Variants in GLTPD2 observed in about 807,000 individuals in gnomAD.
GLTPD2 encodes glycolipid transfer protein domain containing 2.
In GLTPD2, 12 loss-of-function variants were observed where a neutral mutation model predicts 12.9. The observed-to-expected ratio is 0.93, with a 90% CI of 0.59 to 1.50. The LOEUF is 1.50. Among genes scored for constraint, GLTPD2 ranks in the 40% most tolerant of loss-of-function variants. The pLI, the probability that GLTPD2 is intolerant of heterozygous loss-of-function variation, is 0.00. For missense variants in GLTPD2, 450 were observed against 426.2 expected, an observed-to-expected ratio of 1.06 and a Z score of -0.49; for synonymous variants, 199 against 205.6, an observed-to-expected ratio of 0.97 and a Z score of 0.27.
chr17:4,789,341 G>C lies in GLTPD2; in HGVS notation c.171+51G>C, dbSNP rs775698141. On this transcript the variant is annotated intron_variant, in intron 2 of 3. Coordinates refer to ENST00000331264, the MANE Select transcript of GLTPD2 (RefSeq NM_001014985.3). ...GGGCGCTCCAGGAGGGACCAGAACA[G>C]GGGGACGTGGAGCCAGGCTGAGGGT... 3.9e-6 allele frequency: 6 copies of C among 1,532,502 alleles called. No individual in the cohort carries two copies. In the Admixed American group the frequency reaches 1.2e-4, roughly 32 times the overall value. The allele number at this position is 1,532,502 out of a possible 1,614,324, so 94.9% of individuals were successfully genotyped here.
rs1917642575 is a variant in GLTPD2 at position 4,790,463 on chromosome 17, C to CT, written c.*168dup. 2.1e-6 allele frequency: 1 copy of CT among 476,396 alleles called. No homozygotes were observed. Among genetic ancestry groups the CT allele is most frequent in the South Asian group, 5.3e-5 (1 of 19,044 alleles). The allele number at this position is 476,396 out of a possible 1,614,324, so 29.5% of individuals were successfully genotyped here. A position where few individuals can be genotyped will look rare whatever the true frequency, so the allele number is the denominator to read the frequency against. ...CCGGCAGGGAATGGCGTTGAGCTCC[C>CT]TCTGTCCGCAGTCTCGGAAAGACGG... is the stretch of plus-strand genomic sequence containing the variant. On this transcript the variant is annotated 3_prime_UTR_variant, in exon 4 of 4. Transcript: ENST00000331264.
rs1038489943 is a variant in GLTPD2 at position 4,790,409 on chromosome 17, C to T, written c.*113C>T. The T allele has an allele frequency of 9.1e-6, 8 of 876,156 alleles. No individual in the cohort carries two copies. In the East Asian group the frequency reaches 2.8e-4, roughly 30 times the overall value. The allele number at this position is 876,156 out of a possible 1,614,324, so 54.3% of individuals were successfully genotyped here. ...CGGCCGCCTCCGTATCCCGCCTCTT[C>T]CGTGACGTCGCCGCGGCGAGGGCCG... On this transcript the variant is annotated 3_prime_UTR_variant, in exon 4 of 4. Coordinates refer to ENST00000331264, the MANE Select transcript of GLTPD2 (RefSeq NM_001014985.3).
At chr17:4,789,341 G>T in intron 2 of GLTPD2, 51 bp downstream of exon 2, 1 of 1,532,500 alleles carries the variant, frequency 6.5e-7, no homozygotes. Flanking sequence ...GACCAGAACA[G>T]GGGGACGTGG....
intron 2 of GLTPD2, 82 bp downstream of exon 2, chr17:4,789,372 A>G: frequency 6.6e-7 from 1 of 1,514,004 alleles, no homozygotes; most frequent in Non-Finnish European, 8.9e-7. Context: ...AGGGTCCGGC[A>G]AAGGGCGGGT....
chr17:4,790,110 C>T lies in GLTPD2; in HGVS notation c.690C>T (p.Val230=). Reference sequence around the variant, plus strand: ...TGGGTCCGCATCACCCCTGGCTGGTCCGACAGACCGCCCGCCTCGCCTTCC... The same window carrying T: ...TGGGTCCGCATCACCCCTGGCTGGTTCGACAGACCGCCCGCCTCGCCTTCC... ...AALGPHHPWL[V]RQTARLAFLA... is the part of the protein sequence containing the mutation. The change falls in exon 4 of 4, where the codon GTC becomes GTT. Residue 230 remains valine, a synonymous_variant. Transcript: ENST00000331264. The T allele has an allele frequency of 1.4e-6, 2 of 1,436,296 alleles. No homozygotes were observed. The highest frequency in any genetic ancestry group is 1.8e-6 in the Non-Finnish European group (2 of 1,105,180). 89.0% of individuals were successfully genotyped at this position (1,436,296 alleles called of 1,614,324 possible).
At position 4,789,242 on chromosome 17, in the gene GLTPD2, C is replaced by T; in HGVS notation, c.123C>T (p.Cys41=). ...TCTACCCAGGCGCCCGCTCGGGCTG[C>T]GGACCCAGGGCGCAGCCCTGCGTTC... ...SVRSLGARSG[C]GPRAQPCVPG... Residue 41 remains cysteine (C), a synonymous_variant, in exon 2 of 4, where the codon TGC becomes TGT. Transcript: ENST00000331264. 6.3e-7 allele frequency: 1 copy of T among 1,599,290 alleles called. No homozygotes were observed. Among genetic ancestry groups the T allele is most frequent in the Non-Finnish European group, 8.5e-7 (1 of 1,172,202 alleles).
In GLTPD2 at chr17:4,789,116, A is replaced by C. The variant is rs1255238634; in HGVS notation, c.105A>C (p.Leu35=). Residue 35 remains leucine, a splice_region_variant and synonymous_variant, in exon 1 of 4, where the codon CTA becomes CTC. Transcript: ENST00000331264. ...LLLLYLSVRS[L]GARSGCGPRA... ...TGCTTTATCTCAGTGTTCGGAGCCT[A>C]GGTGAGCTGCCCCTTCCCTCACTTG... 6.2e-7 allele frequency: 1 copy of C among 1,613,632 alleles called. No homozygotes were observed. The highest frequency in any genetic ancestry group is 1.3e-5 in the African/African-American group (1 of 74,910).
Position 4,789,963 on chromosome 17 carries a change from C to T in GLTPD2, c.543C>T (p.Arg181=). ...ACCCGACCCGGAGCTCGGGCTCTCG[C>T]ACGCTGCTCCTGCTGCACCGCGCGC... ...PRDPTRSSGS[R]TLLLLHRALR... is the part of the protein sequence containing the mutation. Residue 181 remains arginine (R), a synonymous_variant, in exon 4 of 4, where the codon CGC becomes CGT. Transcript: ENST00000331264. 6.5e-7 allele frequency: 1 copy of T among 1,535,172 alleles called. No individual in the cohort carries two copies. The highest frequency in any genetic ancestry group is 8.7e-7 in the Non-Finnish European group (1 of 1,143,924).
intron 1 of GLTPD2, 39 bp downstream of exon 1, chr17:4,789,156 C>A: frequency 6.2e-7 from 1 of 1,609,660 alleles, no homozygotes; most frequent in South Asian, 1.1e-5. Flanking sequence ...GGGAGGAAGC[C>A]CGGAATCCAG....
Position 4,789,949 on chromosome 17 carries a change from A to G in GLTPD2, c.529A>G (p.Ser177Gly), listed in dbSNP as rs1917624533. The change falls in exon 4 of 4, where the codon AGC (serine) becomes GGC (glycine). Residue 177 changes from serine (S) to glycine (G), a missense_variant. Coordinates refer to ENST00000331264, the MANE Select transcript of GLTPD2 (RefSeq NM_001014985.3). ...PGAAPRDPTR[S>G]SGSRTLLLLH... The stretch of plus-strand genomic sequence containing the variant: ...GGCGGCCCCCCGGGACCCGACCCGG[A>G]GCTCGGGCTCTCGCACGCTGCTCCT... 2 of 1,538,098 alleles carry G rather than the reference A, an allele frequency of 1.3e-6. No individual in the cohort carries two copies. Among genetic ancestry groups the G allele is most frequent in the Non-Finnish European group, 1.7e-6 (2 of 1,144,174 alleles).
In GLTPD2 at chr17:4,789,609, C is replaced by A. The variant is rs758794349; in HGVS notation, c.270C>A (p.His90Gln). The A allele has an allele frequency of 6.8e-6, 11 of 1,613,958 alleles. No individual in the cohort carries two copies. The South Asian group carries it at 9.9e-5, about 14-fold the overall frequency. The change falls in exon 3 of 4, where the codon CAC (histidine) becomes CAA (glutamine). Residue 90 changes from histidine (H) to glutamine (Q), a missense_variant. By Grantham distance (24) the His-to-Gln change is conservative (BLOSUM62 0). Coordinates refer to ENST00000331264, the MANE Select transcript of GLTPD2 (RefSeq NM_001014985.3). Reference sequence around the variant, plus strand: ...TGGGCCGCATGATGAGGCGGTTCCACGCCAGTCTGAAACCCGAAGGGGATG... The same window carrying A: ...TGGGCCGCATGATGAGGCGGTTCCAAGCCAGTCTGAAACCCGAAGGGGATG... ...GMLGRMMRRF[H>Q]ASLKPEGDVG... is the part of the protein sequence containing the mutation.
rs369571991 is a variant in GLTPD2 at position 4,790,150 on chromosome 17, C to G, written c.730C>G (p.Arg244Gly). The G allele has an allele frequency of 2.0e-5, 29 of 1,466,874 alleles. 1 individual carries two copies. The South Asian group carries it at 3.1e-4, about 16-fold the overall frequency. The allele number at this position is 1,466,874 out of a possible 1,614,324, so 90.9% of individuals were successfully genotyped here. The change falls in exon 4 of 4, where the codon CGC becomes GGC. Residue 244 changes from arginine to glycine, a missense_variant. Arg to Gly is a moderately radical substitution (Grantham distance 125). Coordinates refer to ENST00000331264, the MANE Select transcript of GLTPD2 (RefSeq NM_001014985.3). ...CCTCGCCTTCCTCGCCTTCCCGGGT[C>G]GCCGCCGCCTGCTGGAGCTGGCGTG... ...ARLAFLAFPGRRRLLELACPG... is the reference protein window; with the variant it reads ...ARLAFLAFPGGRRLLELACPG...
intron 2 of GLTPD2, 37 bp downstream of exon 2, chr17:4,789,327 G>A: frequency 7.1e-6 from 11 of 1,545,404 alleles, no homozygotes; most frequent in Non-Finnish European, 9.6e-6. Context: ...GGCGCTCCAG[G>A]AGGGACCAGA....
Position 4,789,108 on chromosome 17 carries a change from C to A in GLTPD2, c.97C>A (p.Arg33=). The A allele has an allele frequency of 6.2e-7, 1 of 1,613,846 alleles. No homozygotes were observed. Among genetic ancestry groups the A allele is most frequent in the Non-Finnish European group, 8.5e-7 (1 of 1,179,842 alleles). ...FALLLLYLSV[R]SLGARSGCGP... is the part of the protein sequence containing the mutation. ...GCTGCTGCTGCTTTATCTCAGTGTT[C>A]GGAGCCTAGGTGAGCTGCCCCTTCC... is the stretch of plus-strand genomic sequence containing the variant. Residue 33 remains arginine (R), a synonymous_variant, in exon 1 of 4, where the codon CGG becomes AGG. Coordinates refer to ENST00000331264, the MANE Select transcript of GLTPD2 (RefSeq NM_001014985.3).
In GLTPD2 at chr17:4,790,352, G is replaced by A; in HGVS notation, c.*56G>A. On this transcript the variant is annotated 3_prime_UTR_variant, in exon 4 of 4. Coordinates refer to ENST00000331264, the MANE Select transcript of GLTPD2 (RefSeq NM_001014985.3). ...AGCGGACCGCCCGGGGTGGGGCCGC[G>A]CAGCCCGGGGTCAGTCCTGCAGCCC... 4 of 1,343,586 alleles carry A rather than the reference G, an allele frequency of 3.0e-6. No individual in the cohort carries two copies. The highest frequency in any genetic ancestry group is 1.7e-5 in the South Asian group (1 of 59,910). The allele number at this position is 1,343,586 out of a possible 1,614,324, so 83.2% of individuals were successfully genotyped here.
Position 4,790,098 on chromosome 17 carries a change from C to A in GLTPD2, c.678C>A (p.His226Gln), listed in dbSNP as rs866449065. 1.3e-5 allele frequency: 18 copies of A among 1,431,182 alleles called. No individual in the cohort carries two copies. In the African/African-American group the frequency reaches 2.4e-4, roughly 19 times the overall value. The allele number at this position is 1,431,182 out of a possible 1,614,324, so 88.7% of individuals were successfully genotyped here. A position where few individuals can be genotyped will look rare whatever the true frequency, so the allele number is the denominator to read the frequency against. ...ACCGTGCGGCCCTGGGTCCGCATCACCCCTGGCTGGTCCGACAGACCGCCC... is the reference window on the plus strand; with the variant it reads ...ACCGTGCGGCCCTGGGTCCGCATCAACCCTGGCTGGTCCGACAGACCGCCC... ...DAYRAALGPH[H>Q]PWLVRQTARL... Residue 226 changes from histidine (H) to glutamine (Q), a missense_variant, in exon 4 of 4, where the codon CAC (histidine) becomes CAA (glutamine). Transcript: ENST00000331264.
Position 4,789,089 on chromosome 17 carries a change from G to A in GLTPD2, c.78G>A (p.Leu26=), listed in dbSNP as rs1460104905. 5.0e-6 allele frequency: 8 copies of A among 1,613,932 alleles called. No individual in the cohort carries two copies. The highest frequency in any genetic ancestry group is 2.7e-5 in the African/African-American group (2 of 74,946). ...TTCCTCTCGCTATCTTCGCGCTGCT[G>A]CTGCTTTATCTCAGTGTTCGGAGCC... ...HSIPLAIFAL[L]LLYLSVRSLG... The change falls in exon 1 of 4, where the codon CTG becomes CTA. Residue 26 remains leucine (L), a synonymous_variant. Coordinates refer to ENST00000331264, the MANE Select transcript of GLTPD2 (RefSeq NM_001014985.3).
Position 4,789,495 on chromosome 17 carries a change from C to T in GLTPD2, c.172-16C>T. ...AGAATCTGCTCCCACCTCTTCCCAT[C>T]GTGTCTCCCCACCAGGTCCGGCAGG... On this transcript the variant is annotated splice_polypyrimidine_tract_variant and intron_variant, in intron 2 of 3. Coordinates refer to ENST00000331264, the MANE Select transcript of GLTPD2 (RefSeq NM_001014985.3). 1 of 1,612,254 alleles carries T rather than the reference C, an allele frequency of 6.2e-7. No homozygotes were observed.
Position 4,789,665 on chromosome 17 carries a change from G to T in GLTPD2, c.326G>T (p.Arg109Met), listed in dbSNP as rs1229014981. ...CTGTCGCCGTACCTGGCGGGATGGA[G>T]GGCACTCGTCGAGTGAGTGGCCTCC... ...VGLSPYLAGW[R>M]ALVEFLTPLG... The change falls in exon 3 of 4, where the codon AGG becomes ATG. Residue 109 changes from arginine to methionine, a missense_variant. Physicochemically the swap from Arg to Met is moderately conservative, Grantham distance 91. Coordinates refer to ENST00000331264, the MANE Select transcript of GLTPD2 (RefSeq NM_001014985.3). 1 of 1,613,056 alleles carries T rather than the reference G, an allele frequency of 6.2e-7. No individual in the cohort carries two copies. The highest frequency in any genetic ancestry group is 2.2e-5 in the East Asian group (1 of 44,826).
Sources: allele counts gnomAD v4.1 joint callset, GRCh38; gene constraint gnomAD v4.1.1; transcripts MANE v1.5; gene names NCBI Gene and HGNC (gene_info 2026-07-23, HGNC 2026-07-21).